SPAST: variants seen among roughly 807,000 people sequenced by gnomAD.
SPAST encodes the protein spastin.
SPAST carries 30 observed loss-of-function variants against 76.6 expected under a neutral mutation model. The observed-to-expected ratio is 0.39, with a 90% CI of 0.29 to 0.53. The LOEUF is 0.53. Among genes scored for constraint, SPAST ranks in the 20% least tolerant of loss-of-function variants. The probability of loss-of-function intolerance (pLI) is 0.68; values close to 1 mark genes in which losing one functional copy is unlikely to be tolerated. For missense variants in SPAST, 717 were observed against 770.5 expected, an observed-to-expected ratio of 0.93 and a Z score of 0.82; for synonymous variants, 305 against 281.0, an observed-to-expected ratio of 1.09 and a Z score of -0.86.
At chr2:32,134,496 G>T (rs1679471205) in intron 9 of SPAST, among the ~76,000 whole-genome samples, 2 of 151,066 alleles carry the variant, frequency 1.3e-5, no homozygotes, top group African/African-American at 2.4e-5. Context: ...TAGTGACAAG[G>T]TGTCACTGTG....
At chr2:32,100,999 TG>T (rs1182693939) in intron 4 of SPAST, among the ~76,000 whole-genome samples, 1 of 152,200 alleles carries the variant, frequency 6.6e-6, no homozygotes, top group Non-Finnish European at 1.5e-5. Flanking sequence ...CTGGGTCAAA[TG>T]GTATTTCTAG....
At chr2:32,118,985 A>C (rs982418281) in intron 7 of SPAST, among the ~76,000 whole-genome samples, 3 of 152,214 alleles carry the variant, frequency 2.0e-5, no homozygotes, top group Non-Finnish European at 2.9e-5. Context: ...AAGAAGCTAT[A>C]ATAATGTAAA....
intron 1 of SPAST, among the ~76,000 whole-genome samples, chr2:32,075,480 C>CA (rs70938316): frequency 0.28 from 26,828 of 96,360 alleles, 3,706 homozygotes; most frequent in East Asian, 0.54. Context: ...ATTGTGATGA[C>CA]AAAAAAAAAA....
At chr2:32,118,259 T>A (rs1047285876) in intron 7 of SPAST, among the ~76,000 whole-genome samples, 1 of 152,352 alleles carries the variant, frequency 6.6e-6, no homozygotes, top group East Asian at 1.9e-4. Context: ...ATACTGCCTT[T>A]ATGGTGTTTA....
At chr2:32,074,708 T>C (rs536371014) in intron 1 of SPAST, among the ~76,000 whole-genome samples, 13 of 152,094 alleles carry the variant, frequency 8.5e-5, no homozygotes, top group African/African-American at 3.1e-4. Context: ...GGTTTCACCA[T>C]GTTGAGCAGG....
intron 7 of SPAST, among the ~76,000 whole-genome samples, chr2:32,123,105 T>TA (rs1212148424): frequency 6.6e-6 from 1 of 151,802 alleles, no homozygotes. Flanking sequence ...CTACTAAAAA[T>TA]ACAAAAATTA....
chr2:32,123,368 C>G (rs895234504), intron 7 of SPAST, among the ~76,000 whole-genome samples: 1 of 152,034 alleles, frequency 6.6e-6, no homozygotes, highest in Non-Finnish European at 1.5e-5. Context: ...TTATAGCACT[C>G]ATGAAAGAAA....
At chr2:32,137,548 AG>A (rs1235485010) in intron 12 of SPAST, among the ~76,000 whole-genome samples, 24 of 152,126 alleles carry the variant, frequency 1.6e-4, no homozygotes, top group African/African-American at 5.6e-4. Context: ...TGTGTGTTTG[AG>A]CAGTTTATTC....
In SPAST at chr2:32,154,450, A is replaced by C. The variant is rs776152816; in HGVS notation, c.1805A>C (p.Glu602Ala). 6 of 1,613,620 alleles carry C rather than the reference A, an allele frequency of 3.7e-6. No individual in the cohort carries two copies. In the African/African-American group the frequency reaches 6.7e-5, roughly 18 times the overall value. ...IKRSVSPQTL[E>A]AYIRWNKDFG... ...CGCAGCGTCAGCCCTCAAACTTTAGAAGCGTACATACGTTGGAACAAGGAC... is the reference window on the plus strand; with the variant it reads ...CGCAGCGTCAGCCCTCAAACTTTAGCAGCGTACATACGTTGGAACAAGGAC... The change falls in exon 17 of 17, where the codon GAA (glutamate) becomes GCA (alanine). Residue 602 changes from glutamate (E) to alanine (A), a missense_variant. Glu to Ala is a moderately radical substitution (Grantham distance 107, BLOSUM62 -1). This residue lies in a region of SPAST where 96 missense variants were observed against 127.6 expected (regional missense o/e 0.75). Coordinates refer to ENST00000315285, the MANE Select transcript of SPAST (RefSeq NM_014946.4).
intron 4 of SPAST, among the ~76,000 whole-genome samples, chr2:32,104,075 G>A (rs1482064743): frequency 6.6e-6 from 1 of 152,156 alleles, no homozygotes; most frequent in Non-Finnish European, 1.5e-5. Context: ...CAGTATTATT[G>A]TGTGGGAGTC....
At chr2:32,105,857 G>T (rs182753816) in intron 4 of SPAST, among the ~76,000 whole-genome samples, 4 of 152,142 alleles carry the variant, frequency 2.6e-5, no homozygotes, top group Non-Finnish European at 4.4e-5. Flanking sequence ...TATATGAGGC[G>T]TCAGTCAGCC....
In SPAST at chr2:32,063,934, G is replaced by A; in HGVS notation, c.103G>A (p.Ala35Thr). 2 of 1,540,974 alleles carry A rather than the reference G, an allele frequency of 1.3e-6. No individual in the cohort carries two copies. Among genetic ancestry groups the A allele is most frequent in the Non-Finnish European group, 1.8e-6 (2 of 1,134,300 alleles). The change falls in exon 1 of 17, where the codon GCC becomes ACC. Residue 35 changes from alanine (A) to threonine (T), a missense_variant. By Grantham distance (58) the Ala-to-Thr change is moderately conservative (BLOSUM62 0). Around this residue, in one of 3 missense-constraint regions of SPAST, gnomAD observed 543 missense variants for 445.2 expected, o/e 1.22. Transcript: ENST00000315285. ...CCCTTGCCTGGCCCCCGCCCCTCCCGCCGCCGGGCCGGCCCCTCCGCCCGA... is the reference window on the plus strand; with the variant it reads ...CCCTTGCCTGGCCCCCGCCCCTCCCACCGCCGGGCCGGCCCCTCCGCCCGA... The part of the protein sequence containing the change: ...PPPCLAPAPP[A>T]AGPAPPPESP...
At chr2:32,078,995 G>A (rs1048193844) in intron 1 of SPAST, among the ~76,000 whole-genome samples, 7 of 151,812 alleles carry the variant, frequency 4.6e-5, no homozygotes, top group Admixed American at 2.6e-4. Flanking sequence ...ATGTCACCAC[G>A]CCCGGCTAAT....
intron 3 of SPAST, among the ~76,000 whole-genome samples, chr2:32,095,217 A>T (rs1677873343): frequency 6.6e-6 from 1 of 152,296 alleles, no homozygotes; most frequent in Non-Finnish European, 1.5e-5. Context: ...TTGCTGATAG[A>T]TTGGATAAAA....
chr2:32,072,012 A>G (rs930200102), intron 1 of SPAST, among the ~76,000 whole-genome samples: 1 of 152,168 alleles, frequency 6.6e-6, no homozygotes, highest in Non-Finnish European at 1.5e-5. Flanking sequence ...AAAGAAATAT[A>G]ATTTAGGGTA....
intron 1 of SPAST, among the ~76,000 whole-genome samples, chr2:32,075,877 A>C (rs1453462773): frequency 1.1e-5 from 1 of 92,892 alleles, no homozygotes; most frequent in Admixed American, 1.1e-4. Context: ...TTTTTTTTTA[A>C]TGAAAAATTC....
intron 12 of SPAST, 22 bp from the exon 13 acceptor site, chr2:32,141,882 A>G (rs749985421): frequency 6.9e-6 from 11 of 1,593,604 alleles, no homozygotes; most frequent in Non-Finnish European, 8.6e-6. Context: ...TATTTCTAAA[A>G]GTGCTGGATT....
At chr2:32,097,829 G>A (rs1677977240) in intron 3 of SPAST, among the ~76,000 whole-genome samples, 1 of 151,892 alleles carries the variant, frequency 6.6e-6, no homozygotes, top group South Asian at 2.1e-4. Context: ...GAGTAGTTGG[G>A]ACTACAGGCG....
At chr2:32,145,052 C>A in intron 15 of SPAST, 45 bp downstream of exon 15, 1 of 1,411,194 alleles carries the variant, frequency 7.1e-7, no homozygotes, top group Non-Finnish European at 1.0e-6. Context: ...TTTATTATAC[C>A]ACCTTAGAAG....
Sources: gnomAD v4.1 joint callset for allele counts (sites outside exome capture counted in the v4.1 genomes callset) on GRCh38, gnomAD v4.1.1 for gene constraint, gnomAD v4.1.1 regional missense constraint, MANE v1.5 for transcripts, NCBI Gene and HGNC (gene_info 2026-07-23, HGNC 2026-07-21) for gene names.